ZRANB1: variants seen among roughly 807,000 people sequenced by gnomAD.
ZRANB1 encodes ubiquitin thioesterase ZRANB1.
In ZRANB1, 16 loss-of-function variants were observed where a neutral mutation model predicts 80.5. That is an observed-to-expected ratio of 0.20 (90% CI 0.13 to 0.30). ZRANB1 has a LOEUF of 0.30. Among genes scored for constraint, ZRANB1 ranks in the 10% least tolerant of loss-of-function variants. The probability of loss-of-function intolerance (pLI) is 1.00; values close to 1 mark genes in which losing one functional copy is unlikely to be tolerated. For synonymous variants in ZRANB1, 291 were observed against 293.1 expected (o/e 0.99, Z 0.07); for missense variants, 576 against 862.6 (o/e 0.67, Z 4.16).
chr10:124,959,795 A>G (rs887929713), intron 1 of ZRANB1, among the ~76,000 whole-genome samples: 2 of 152,184 alleles, frequency 1.3e-5, no homozygotes, highest in Admixed American at 6.5e-5. Flanking sequence ...TGCCGTAATT[A>G]AATTTGTAGT....
At chr10:124,966,826 C>T (rs1006828003) in intron 2 of ZRANB1, 45 bp downstream of exon 2, 1 of 1,502,370 alleles carries the variant, frequency 6.7e-7, no homozygotes, top group African/African-American at 1.4e-5. Context: ...ATTAAAGAAA[C>T]CTGTTCTTTA....
At chr10:124,925,341 A>G in the ZRANB1 span, among the ~76,000 whole-genome samples, 2 of 151,996 alleles carry the variant, frequency 1.3e-5, no homozygotes, top group Admixed American at 6.5e-5. Flanking sequence ...GCATTTCCCT[A>G]ATGACTAATG....
intron 3 of ZRANB1, among the ~76,000 whole-genome samples, chr10:124,972,786 T>C (rs1433945533): frequency 6.6e-6 from 1 of 151,976 alleles, no homozygotes; most frequent in Non-Finnish European, 1.5e-5. Flanking sequence ...GTTTTTTTTT[T>C]TTTTAGATTG....
At chr10:124,945,189 C>T (rs368897175) in intron 1 of ZRANB1, 10 of 152,198 alleles carry the variant, frequency 6.6e-5, no homozygotes, top group African/African-American at 2.4e-4. Context: ...TGTTCCAGAA[C>T]ATTTTCATCA....
chr10:124,945,238 C>CCCCCTA (rs1418552283), intron 1 of ZRANB1: 1 of 152,106 alleles, frequency 6.6e-6, no homozygotes, highest in Non-Finnish European at 1.5e-5. Context: ...GCAGTTACTG[C>CCCCCTA]CCCCTACCCC....
At chr10:124,942,121 A>G (rs1283242293), upstream of ZRANB1, 1 of 1,047,066 alleles carries the variant, frequency 9.6e-7, no homozygotes, top group Non-Finnish European at 1.2e-6. Flanking sequence ...TTCTAAATTG[A>G]TGTGATGGCC....
At chr10:124,938,691 A>G (rs1353188171), upstream of ZRANB1, among the ~76,000 whole-genome samples, 2 of 150,838 alleles carry the variant, frequency 1.3e-5, no homozygotes, top group African/African-American at 4.9e-5. Context: ...CAGAGTGAAC[A>G]CTGTACATCA....
intron 5 of ZRANB1, among the ~76,000 whole-genome samples, chr10:124,980,650 A>G (rs1951923363): frequency 6.6e-6 from 1 of 152,232 alleles, no homozygotes; most frequent in South Asian, 2.1e-4. Context: ...AGTATGAAAA[A>G]TGTTTTAAAC....
At chr10:124,938,774 A>G (rs1325866825), upstream of ZRANB1, among the ~76,000 whole-genome samples, 2 of 150,484 alleles carry the variant, frequency 1.3e-5, no homozygotes, top group Non-Finnish European at 2.9e-5. Context: ...TAGCACAATC[A>G]TAACTCACTG....
At chr10:124,918,973 C>G in the ZRANB1 span, among the ~76,000 whole-genome samples, 21 of 152,102 alleles carry the variant, frequency 1.4e-4, no homozygotes, top group Non-Finnish European at 2.6e-4. Context: ...TTATTAATGC[C>G]TCAGAGCATT....
chr10:124,940,267 A>G (rs1951523092), upstream of ZRANB1, among the ~76,000 whole-genome samples: 5 of 152,264 alleles, frequency 3.3e-5, 1 homozygote, highest in South Asian at 1.0e-3. Flanking sequence ...CATTGTTAAA[A>G]TAAGTGAGTA....
At chr10:124,927,518 G>A in the ZRANB1 span, among the ~76,000 whole-genome samples, 2 of 152,042 alleles carry the variant, frequency 1.3e-5, no homozygotes, top group Admixed American at 6.6e-5. Flanking sequence ...ATTTTTAAAC[G>A]GGAACTAGTT....
intron 1 of ZRANB1, among the ~76,000 whole-genome samples, chr10:124,965,831 C>G (rs12260682): frequency 0.065 from 9,840 of 152,136 alleles, 407 homozygotes; most frequent in East Asian, 0.23. Flanking sequence ...CTGTGTTTAC[C>G]TAACATTAAT....
At chr10:124,968,721 A>G (rs1337891215) in intron 2 of ZRANB1, among the ~76,000 whole-genome samples, 2 of 152,138 alleles carry the variant, frequency 1.3e-5, no homozygotes, top group African/African-American at 2.4e-5. Context: ...CTAGGGTGAA[A>G]GTCTTAAGGG....
chr10:124,959,460 C>CT (rs771950131), intron 1 of ZRANB1, among the ~76,000 whole-genome samples: 110 of 145,338 alleles, frequency 7.6e-4, no homozygotes, highest in South Asian at 6.5e-4. Context: ...CAGTGGTAAA[C>CT]TTTTTTTTTT....
Position 124,972,041 on chromosome 10 carries a change from C to A in ZRANB1, c.1079C>A (p.Ala360Asp). 6.2e-7 allele frequency: 1 copy of A among 1,613,988 alleles called. No homozygotes were observed. The highest frequency in any genetic ancestry group is 8.5e-7 in the Non-Finnish European group (1 of 1,179,906). Residue 360 changes from alanine (A) to aspartate (D), a missense_variant, in exon 3 of 9, where the codon GCT becomes GAT. Physicochemically the swap from Ala to Asp is moderately radical, Grantham distance 126. Transcript: ENST00000359653. ...ACAGAACAAATCCGGAGAGAGATAG[C>A]TGCCTCTCTTCATCAGAGAAAGGGG... Reference protein sequence around the residue: ...ELTEQIRREIAASLHQRKGDF... With the variant: ...ELTEQIRREIDASLHQRKGDF...
At chr10:124,921,656 A>G in the ZRANB1 span, among the ~76,000 whole-genome samples, 1 of 152,294 alleles carries the variant, frequency 6.6e-6, no homozygotes, top group South Asian at 2.1e-4. Context: ...GTATATAAAA[A>G]GTATTTTTTT....
chr10:124,938,344 C>CTT (rs35984588), upstream of ZRANB1, among the ~76,000 whole-genome samples: 2 of 144,896 alleles, frequency 1.4e-5, no homozygotes, highest in African/African-American at 2.5e-5. Flanking sequence ...TTTTTCTTTT[C>CTT]TTTTTTTTTT....
At chr10:124,981,481 C>T (rs1481147530) in intron 5 of ZRANB1, 22 of 320,062 alleles carry the variant, frequency 6.9e-5, no homozygotes, top group African/African-American at 1.6e-4. Context: ...ATTTGGTTGT[C>T]GGTAAATCAA....
Sources: allele counts gnomAD v4.1 joint callset (sites outside exome capture counted in the v4.1 genomes callset), GRCh38; gene constraint gnomAD v4.1.1; transcripts MANE v1.5; gene names NCBI Gene and HGNC (gene_info 2026-07-23, HGNC 2026-07-21).